The following LINGO2 variants were observed in gnomAD, a reference collection of about 807,000 sequenced individuals.
LINGO2 encodes the protein leucine-rich repeat and immunoglobulin-like domain-containing nogo receptor-interacting protein 2.
LINGO2 carries 14 observed loss-of-function variants against 30.6 expected under a neutral mutation model. That is an observed-to-expected ratio of 0.46 (90% CI 0.30 to 0.72). The LOEUF is 0.72. LINGO2 is among the 30% of genes least tolerant of loss of function. LINGO2 has a pLI of 0.07. For missense variants in LINGO2, 729 were observed against 751.7 expected, an observed-to-expected ratio of 0.97 and a Z score of 0.35; for synonymous variants, 317 against 288.5, an observed-to-expected ratio of 1.10 and a Z score of -1.00.
chr9:29,055,940 G>GTGTATATATATATATGTGTATATA, the LINGO2 span, among the ~76,000 whole-genome samples: 5 of 120,010 alleles, frequency 4.2e-5, no homozygotes, highest in African/African-American at 9.6e-5. Flanking sequence ...ATGTGTGTGT[G>GTGTATATATATATATGTGTATATA]TATATATACA....
chr9:28,040,596 C>G (rs542347720), intron 4 of LINGO2, among the ~76,000 whole-genome samples: 1 of 152,218 alleles, frequency 6.6e-6, no homozygotes, highest in African/African-American at 2.4e-5. Flanking sequence ...CCAATACTAA[C>G]TGAGCGCTAT....
intron 4 of LINGO2, among the ~76,000 whole-genome samples, chr9:28,221,260 A>C (rs1305759006): frequency 7.1e-6 from 1 of 141,516 alleles, no homozygotes; most frequent in African/African-American, 2.6e-5. Context: ...AGATGGCGCC[A>C]CTGCAGTCCA....
intron 1 of LINGO2, among the ~76,000 whole-genome samples, chr9:28,639,376 G>T (rs1256315221): frequency 6.6e-6 from 1 of 152,072 alleles, no homozygotes; most frequent in East Asian, 1.9e-4. Flanking sequence ...GGGTATCCTT[G>T]TTAACTTTCT....
chr9:28,947,441 G>A, the LINGO2 span, among the ~76,000 whole-genome samples: 4 of 151,948 alleles, frequency 2.6e-5, no homozygotes, highest in Admixed American at 2.6e-4. Context: ...TTACTCTGTG[G>A]ATAATAATAT....
intron 1 of LINGO2, among the ~76,000 whole-genome samples, chr9:28,638,231 T>C (rs544419423): frequency 2.0e-5 from 3 of 152,336 alleles, no homozygotes; most frequent in South Asian, 2.1e-4. Context: ...CAGTATTTAA[T>C]TGAGGATTTC....
At chr9:28,023,311 T>C (rs1823224468) in intron 4 of LINGO2, among the ~76,000 whole-genome samples, 1 of 152,220 alleles carries the variant, frequency 6.6e-6, no homozygotes, top group Admixed American at 6.5e-5. Context: ...TTTATCTGGC[T>C]AGAAGTTGAA....
At chr9:28,587,632 T>C (rs1413317485) in intron 1 of LINGO2, among the ~76,000 whole-genome samples, 1 of 151,670 alleles carries the variant, frequency 6.6e-6, no homozygotes, top group Admixed American at 6.6e-5. Flanking sequence ...CTCTTCCTCA[T>C]GACAGGAGGA....
At chr9:28,741,316 G>A in the LINGO2 span, among the ~76,000 whole-genome samples, 2 of 151,968 alleles carry the variant, frequency 1.3e-5, no homozygotes, top group African/African-American at 2.4e-5. Context: ...CTAAAAATTC[G>A]GCTGTGTGGG....
chr9:28,368,799 T>TGTTAGCCTA (rs5897285), intron 3 of LINGO2, among the ~76,000 whole-genome samples: 48,251 of 151,354 alleles, frequency 0.32, 7,868 homozygotes, highest in South Asian at 0.47. Flanking sequence ...GGTTTCACCG[T>TGTTAGCCTA]GTTAGCCAGG....
intron 5 of LINGO2, among the ~76,000 whole-genome samples, chr9:27,979,454 A>T (rs942362455): frequency 6.6e-6 from 1 of 151,984 alleles, no homozygotes; most frequent in Non-Finnish European, 1.5e-5. Flanking sequence ...TATTTTTCAT[A>T]TATGACCTAA....
chr9:28,039,425 A>G (rs571797971), intron 4 of LINGO2, among the ~76,000 whole-genome samples: 1 of 152,324 alleles, frequency 6.6e-6, no homozygotes, highest in Admixed American at 6.5e-5. Flanking sequence ...AGGCGCAACT[A>G]ACAGTGGGAA....
the LINGO2 span, among the ~76,000 whole-genome samples, chr9:28,924,283 C>A: frequency 3.3e-4 from 50 of 152,210 alleles, no homozygotes; most frequent in Admixed American, 9.2e-4. Flanking sequence ...AACAGTGGTG[C>A]AATCTCAGCT....
At chr9:27,939,599 A>C in the LINGO2 span, 1 of 152,258 alleles carries the variant, frequency 6.6e-6, no homozygotes, top group Non-Finnish European at 1.5e-5. Flanking sequence ...TGTGAGGCTT[A>C]AAGAAACTCT....
chr9:29,186,023 T>C, the LINGO2 span, among the ~76,000 whole-genome samples: 1 of 151,908 alleles, frequency 6.6e-6, no homozygotes, highest in Non-Finnish European at 1.5e-5. Flanking sequence ...GTCAATCACT[T>C]TTTTTTTCAC....
At chr9:28,754,415 A>G in the LINGO2 span, among the ~76,000 whole-genome samples, 1 of 152,028 alleles carries the variant, frequency 6.6e-6, no homozygotes, top group South Asian at 2.1e-4. Flanking sequence ...TGTTTCCCAA[A>G]CTTCCATGAA....
the LINGO2 span, among the ~76,000 whole-genome samples, chr9:29,124,491 GA>G: frequency 6.6e-6 from 1 of 152,186 alleles, no homozygotes; most frequent in Non-Finnish European, 1.5e-5. Flanking sequence ...CAGAATGGGA[GA>G]AAACTTTTGC....
At chr9:28,082,044 A>G (rs1825787112) in intron 4 of LINGO2, among the ~76,000 whole-genome samples, 1 of 152,162 alleles carries the variant, frequency 6.6e-6, no homozygotes, top group Non-Finnish European at 1.5e-5. Context: ...AAAAACCTCT[A>G]TTAGATGTGA....
At chr9:28,858,806 A>T in the LINGO2 span, among the ~76,000 whole-genome samples, 33 of 152,216 alleles carry the variant, frequency 2.2e-4, no homozygotes, top group Admixed American at 1.3e-4. Flanking sequence ...AATGCATTTT[A>T]AAAAAGAATT....
chr9:29,075,141 T>G, the LINGO2 span, among the ~76,000 whole-genome samples: 1 of 152,188 alleles, frequency 6.6e-6, no homozygotes, highest in Non-Finnish European at 1.5e-5. Context: ...ATTACTTAGT[T>G]CTGAAAACAC....
Sources: allele counts gnomAD v4.1 joint callset (sites outside exome capture counted in the v4.1 genomes callset), GRCh38; gene constraint gnomAD v4.1.1; transcripts MANE v1.5; gene names NCBI Gene and HGNC (gene_info 2026-07-23, HGNC 2026-07-21).